FKBP9: variants seen among roughly 807,000 people sequenced by gnomAD.
The protein encoded by FKBP9 is FKBP prolyl isomerase 9.
Under a neutral mutation model 55.6 loss-of-function variants are expected in FKBP9, and 27 were observed. That is an observed-to-expected ratio of 0.49 (90% CI 0.36 to 0.67). FKBP9 has a LOEUF of 0.67. Among genes scored for constraint, FKBP9 ranks in the 30% least tolerant of loss-of-function variants. The probability of loss-of-function intolerance (pLI) is 0.00; values close to 1 mark genes in which losing one functional copy is unlikely to be tolerated. For synonymous variants in FKBP9, 267 were observed against 296.5 expected (o/e 0.90, Z 1.02); for missense variants, 539 against 742.8 (o/e 0.73, Z 3.19).
At position 32,957,785 on chromosome 7, in the gene FKBP9, T is replaced by G. The variant is rs566852232; in HGVS notation, c.212T>G (p.Phe71Cys). ...YVGTFPDGQK[F>C]DSSYDRDSTF... is the part of the protein sequence containing the mutation. ...GGGACGTTCCCCGACGGCCAGAAGT[T>G]CGACTCCAGGTACCGCGCCCTTGGC... is the stretch of plus-strand genomic sequence containing the variant. The change falls in exon 1 of 10, where the codon TTC becomes TGC. Residue 71 changes from phenylalanine (F) to cysteine (C), a missense_variant. By Grantham distance (205) the Phe-to-Cys change is radical (BLOSUM62 -2). Coordinates refer to ENST00000242209, the MANE Select transcript of FKBP9 (RefSeq NM_007270.5). 337 of 1,452,246 alleles carry G rather than the reference T, an allele frequency of 2.3e-4. No individual in the cohort carries two copies. Among genetic ancestry groups the G allele is most frequent in the Non-Finnish European group, 2.9e-4 (322 of 1,103,866 alleles). 90.0% of individuals were successfully genotyped at this position (1,452,246 alleles called of 1,614,324 possible).
rs376776239 is a variant in FKBP9 at position 32,978,695 on chromosome 7, C to T, written c.704-1669C>T. ...TTATTGATGTTCAAATGGTCTTGTC[C>T]TTGGCCCCAAGAAGTTCATTCACGT... On this transcript the variant is annotated intron_variant, in intron 4 of 9. Coordinates refer to ENST00000242209, the MANE Select transcript of FKBP9 (RefSeq NM_007270.5). 4.0e-3 allele frequency among the ~76,000 whole-genome samples: 614 copies of T among 152,220 alleles called. 7 individuals carry two copies. Among genetic ancestry groups the T allele is most frequent in the African/African-American group, 0.014 (580 of 41,520 alleles).
intron 7 of FKBP9, among the ~76,000 whole-genome samples, chr7:32,999,405 T>C (rs1352638355): frequency 1.3e-5 from 2 of 151,734 alleles, no homozygotes; most frequent in South Asian, 2.1e-4. Context: ...ACCGAAGTGA[T>C]AGAGCAAACT....
intron 4 of FKBP9, among the ~76,000 whole-genome samples, chr7:32,979,058 C>T (rs1482699565): frequency 2.6e-5 from 4 of 152,094 alleles, no homozygotes; most frequent in South Asian, 2.1e-4. Context: ...CGCCTGAGGT[C>T]GGGAGTTCAA....
rs568567329 is a variant in FKBP9, at chr7:33,004,049, T to C, written c.1537-1126T>C. Among the ~76,000 whole-genome samples, 339 of 152,204 alleles carry C rather than the reference T, an allele frequency of 2.2e-3. 2 individuals carry two copies. Among genetic ancestry groups the C allele is most frequent in the Non-Finnish European group, 4.2e-3 (284 of 68,002 alleles). On this transcript the variant is annotated intron_variant, in intron 9 of 9. Transcript: ENST00000242209. ...AGTCAGTGGCATCACTGGCCTCCAG[T>C]GGCTCAGGCGAGAGCACTCGGTGAT...
chr7:32,962,420 A>G (rs1213107405), intron 1 of FKBP9, among the ~76,000 whole-genome samples: 1 of 152,126 alleles, frequency 6.6e-6, no homozygotes, highest in Non-Finnish European at 1.5e-5. Flanking sequence ...AAATAAAAGA[A>G]TCATGAACTC....
chr7:32,974,756 G>T lies in FKBP9; in HGVS notation c.361G>T (p.Gly121Ter), dbSNP rs1784328047. ...CCCAAAGCTTGCCTACGGAAATGAA[G>T]GAGTTTGTAAGCTTTTCTTCCTCGT... is the stretch of plus-strand genomic sequence containing the variant. The part of the protein sequence containing the change: ...IPPKLAYGNE[G>*]VSGVIPPNSV... The change falls in exon 2 of 10, where the codon GGA (glycine) becomes TGA (stop). Residue 121 changes from glycine (G) to a stop codon, truncating the protein, a stop_gained. Coordinates refer to ENST00000242209, the MANE Select transcript of FKBP9 (RefSeq NM_007270.5). LOFTEE classifies it high-confidence loss of function. 6.2e-7 allele frequency: 1 copy of T among 1,613,268 alleles called. No individual in the cohort carries two copies. Among genetic ancestry groups the T allele is most frequent in the Admixed American group, 1.7e-5 (1 of 59,820 alleles).
chr7:33,003,218 C>T (rs1784965694), intron 9 of FKBP9, among the ~76,000 whole-genome samples: 1 of 152,156 alleles, frequency 6.6e-6, no homozygotes, highest in Admixed American at 6.5e-5. Flanking sequence ...TCCAAGGTCA[C>T]ACATCTACTC....
At chr7:33,003,649 C>G (rs1784974033) in intron 9 of FKBP9, among the ~76,000 whole-genome samples, 1 of 152,182 alleles carries the variant, frequency 6.6e-6, no homozygotes, top group Non-Finnish European at 1.5e-5. Flanking sequence ...TCTTACGCTC[C>G]TCTTAACTTC....
intron 4 of FKBP9, among the ~76,000 whole-genome samples, chr7:32,977,870 C>CATGTGTGTATATATAT (rs780985630): frequency 2.1e-4 from 26 of 124,652 alleles, no homozygotes; most frequent in African/African-American, 6.9e-4. Context: ...TATACATGCC[C>CATGTGTGTATATATAT]ATATATATAT....
At chr7:32,976,882 T>G (rs1784373033) in intron 4 of FKBP9, among the ~76,000 whole-genome samples, 1 of 152,186 alleles carries the variant, frequency 6.6e-6, no homozygotes, top group Admixed American at 6.5e-5. Flanking sequence ...AGTAACCCCC[T>G]CTGCCCCTGT....
At chr7:32,967,245 C>A (rs10237603) in intron 1 of FKBP9, among the ~76,000 whole-genome samples, 19,863 of 152,162 alleles carry the variant, frequency 0.13, 1,772 homozygotes, top group Admixed American at 0.3. Flanking sequence ...TTTAAAAAAA[C>A]CATCAAATTT....
chr7:32,978,444 A>C (rs1311245045), intron 4 of FKBP9, among the ~76,000 whole-genome samples: 1 of 152,016 alleles, frequency 6.6e-6, no homozygotes. Flanking sequence ...GCTCACTGTA[A>C]CCTCAAACTC....
At chr7:32,970,125 A>C (rs1354916777) in intron 1 of FKBP9, among the ~76,000 whole-genome samples, 2 of 152,040 alleles carry the variant, frequency 1.3e-5, no homozygotes, top group Non-Finnish European at 1.5e-5. Context: ...TAGTGTGGAC[A>C]TCTTAGCCAT....
chr7:32,977,956 C>T (rs1405648577), intron 4 of FKBP9, among the ~76,000 whole-genome samples: 1 of 144,326 alleles, frequency 6.9e-6, no homozygotes, highest in Non-Finnish European at 1.5e-5. Flanking sequence ...GAGTCTCACT[C>T]TGTTGCCCAG....
At chr7:32,997,051 C>T (rs557865896) in intron 7 of FKBP9, among the ~76,000 whole-genome samples, 56 of 152,042 alleles carry the variant, frequency 3.7e-4, no homozygotes, top group African/African-American at 1.2e-3. Flanking sequence ...GCCTCGGCCT[C>T]CCAAAGTGCT....
rs1320936721 is a variant in FKBP9 at position 32,964,435 on chromosome 7, A to C, written c.221+6641A>C. The stretch of plus-strand genomic sequence containing the variant: ...CTTAAAAACAAAAATCCATAACAGC[A>C]ATGGATTTTGCTTTGCTTTGCAAAG... On this transcript the variant is annotated intron_variant, in intron 1 of 9. Transcript: ENST00000242209. Among the ~76,000 whole-genome samples, 3 of 152,348 alleles carry C rather than the reference A, an allele frequency of 2.0e-5. No homozygotes were observed. In the South Asian group the frequency reaches 6.2e-4, roughly 32 times the overall value.
At chr7:32,977,870 C>CATGT (rs780985630) in intron 4 of FKBP9, among the ~76,000 whole-genome samples, 4 of 124,650 alleles carry the variant, frequency 3.2e-5, no homozygotes, top group African/African-American at 1.3e-4. Flanking sequence ...TATACATGCC[C>CATGT]ATATATATAT....
At chr7:32,994,447 T>C (rs1245250651) in intron 6 of FKBP9, among the ~76,000 whole-genome samples, 1 of 152,214 alleles carries the variant, frequency 6.6e-6, no homozygotes, top group Non-Finnish European at 1.5e-5. Flanking sequence ...ACCATAGATC[T>C]GCCTCTGCAG....
At chr7:32,985,376 C>T (rs1784556855) in intron 5 of FKBP9, among the ~76,000 whole-genome samples, 1 of 151,648 alleles carries the variant, frequency 6.6e-6, no homozygotes, top group African/African-American at 2.4e-5. Flanking sequence ...GATGGGGTTT[C>T]AACATGTTGG....
Sources: gnomAD v4.1 joint callset for allele counts (sites outside exome capture counted in the v4.1 genomes callset) on GRCh38, gnomAD v4.1.1 for gene constraint, MANE v1.5 for transcripts, NCBI Gene and HGNC (gene_info 2026-07-23, HGNC 2026-07-21) for gene names.